CLNK: variants seen among roughly 807,000 people sequenced by gnomAD.
CLNK encodes the protein cytokine dependent hematopoietic cell linker, also known as cytokine-dependent hematopoietic cell linker.
In CLNK, 74 loss-of-function variants were observed where a neutral mutation model predicts 68.6. That is an observed-to-expected ratio of 1.08 (90% CI 0.89 to 1.31). The LOEUF is 1.31. CLNK is among the 50% of genes most tolerant of loss of function. The pLI, the probability that CLNK is intolerant of heterozygous loss-of-function variation, is 0.00. For synonymous variants in CLNK, 198 were observed against 172.2 expected, an observed-to-expected ratio of 1.15 and a Z score of -1.17; for missense variants, 553 against 515.3, an observed-to-expected ratio of 1.07 and a Z score of -0.71.
chr4:10,606,655 G>A (rs1721805282), intron 2 of CLNK, among the ~76,000 whole-genome samples: 1 of 152,122 alleles, frequency 6.6e-6, no homozygotes, highest in African/African-American at 2.4e-5. Context: ...TGTTATAGCA[G>A]CTGCCGCATT....
chr4:10,548,856 C>T (rs1029512065), intron 8 of CLNK, among the ~76,000 whole-genome samples: 3 of 152,192 alleles, frequency 2.0e-5, no homozygotes, highest in Non-Finnish European at 2.9e-5. Flanking sequence ...TTTCTGGGCT[C>T]TGCACTCTGC....
At chr4:10,669,276 A>G (rs1473203907) in intron 1 of CLNK, among the ~76,000 whole-genome samples, 1 of 152,226 alleles carries the variant, frequency 6.6e-6, no homozygotes, top group Non-Finnish European at 1.5e-5. Flanking sequence ...TCCCTCCGTG[A>G]CATCCCTCCT....
At chr4:10,509,632 C>T (rs763893251) in intron 16 of CLNK, among the ~76,000 whole-genome samples, 13 of 151,556 alleles carry the variant, frequency 8.6e-5, no homozygotes, top group South Asian at 2.1e-4. Flanking sequence ...TCCAGAAGTT[C>T]GCCTACCCCA....
intron 3 of CLNK, among the ~76,000 whole-genome samples, chr4:10,597,389 G>T (rs1266775531): frequency 1.3e-5 from 2 of 152,176 alleles, no homozygotes; most frequent in East Asian, 3.9e-4. Flanking sequence ...CTTGTCTCTA[G>T]TCAGTAATTC....
chr4:10,537,511 A>G (rs1422079146), intron 11 of CLNK, among the ~76,000 whole-genome samples: 1 of 152,040 alleles, frequency 6.6e-6, no homozygotes, highest in East Asian at 1.9e-4. Flanking sequence ...TTCTAGAAAA[A>G]TACAGAGTTA....
chr4:10,592,747 G>T (rs897090801), intron 3 of CLNK, among the ~76,000 whole-genome samples: 1 of 151,568 alleles, frequency 6.6e-6, no homozygotes, highest in African/African-American at 2.4e-5. Flanking sequence ...TTCTTTTGAG[G>T]CAGAGTCTCA....
intron 1 of CLNK, among the ~76,000 whole-genome samples, chr4:10,683,270 A>C (rs1209354003): frequency 6.6e-6 from 1 of 152,192 alleles, no homozygotes; most frequent in Non-Finnish European, 1.5e-5. Context: ...GTGATCGAGA[A>C]ACAGAATCCC....
intron 3 of CLNK, 38 bp from the exon 4 acceptor site, chr4:10,584,993 C>A (rs755456918): frequency 1.2e-6 from 2 of 1,609,502 alleles, no homozygotes; most frequent in Non-Finnish European, 1.7e-6. Context: ...ATGTCCATTG[C>A]TCCACCTCCA....
chr4:10,699,278 C>CCACGTATGTGTGTGTATACACA, the CLNK span, among the ~76,000 whole-genome samples: 1 of 101,056 alleles, frequency 9.9e-6, no homozygotes, highest in African/African-American at 4.0e-5. Flanking sequence ...CACACACACA[C>CCACGTATGTGTGTGTATACACA]CACATACGTG....
intron 7 of CLNK, among the ~76,000 whole-genome samples, chr4:10,561,302 A>AT (rs924048249): frequency 5.9e-5 from 9 of 152,146 alleles, no homozygotes; most frequent in African/African-American, 2.2e-4. Context: ...TTTTCCTCAC[A>AT]TAATTTCATT....
intron 2 of CLNK, among the ~76,000 whole-genome samples, chr4:10,638,300 T>C (rs908246422): frequency 6.6e-6 from 1 of 152,190 alleles, no homozygotes; most frequent in African/African-American, 2.4e-5. Context: ...GTGTAATAAA[T>C]TGTGTGCATC....
chr4:10,580,902 G>A (rs951323108), intron 4 of CLNK, among the ~76,000 whole-genome samples: 1 of 152,110 alleles, frequency 6.6e-6, no homozygotes, highest in Non-Finnish European at 1.5e-5. Context: ...TAATGTTGAC[G>A]TGGGTTTACG....
At chr4:10,583,585 T>C (rs536366300) in intron 4 of CLNK, among the ~76,000 whole-genome samples, 2 of 152,338 alleles carry the variant, frequency 1.3e-5, no homozygotes, top group East Asian at 3.9e-4. Context: ...GTGCCTGGTC[T>C]GGGCTGTTAT....
chr4:10,710,399 T>C, the CLNK span, among the ~76,000 whole-genome samples: 2 of 152,202 alleles, frequency 1.3e-5, no homozygotes. Flanking sequence ...CTAAGTAAAC[T>C]GAAGCAAAGA....
chr4:10,701,006 C>G, the CLNK span, among the ~76,000 whole-genome samples: 819 of 152,248 alleles, frequency 5.4e-3, 32 homozygotes, highest in East Asian at 0.1. Flanking sequence ...TGATCACCGT[C>G]TGCACCCGTA....
chr4:10,654,016 G>T (rs1723858820), intron 2 of CLNK, among the ~76,000 whole-genome samples: 1 of 144,458 alleles, frequency 6.9e-6, no homozygotes, highest in African/African-American at 2.4e-5. Flanking sequence ...AGATCAGTTT[G>T]CTGAGAAAGG....
intron 2 of CLNK, among the ~76,000 whole-genome samples, chr4:10,601,777 G>A (rs1721599152): frequency 6.6e-6 from 1 of 152,134 alleles, no homozygotes; most frequent in South Asian, 2.1e-4. Flanking sequence ...TGTCCACTCA[G>A]CCCATCCCAC....
chr4:10,550,558 A>G lies in CLNK; in HGVS notation c.445+7849T>C, dbSNP rs150448688. Among the ~76,000 whole-genome samples the G allele has an allele frequency of 5.7e-3, 868 of 152,330 alleles. 4 individuals are homozygous for G. Among genetic ancestry groups the G allele is most frequent in the Admixed American group, 0.011 (165 of 15,302 alleles). On this transcript the variant is annotated intron_variant, in intron 8 of 18. Coordinates refer to ENST00000226951, the MANE Select transcript of CLNK (RefSeq NM_052964.4). ...CTTAAGTTACAGCAGCCCTCCACTTATCCTAAGGCAAAATGTTCCAAGACT... is the reference window on the plus strand; with the variant it reads ...CTTAAGTTACAGCAGCCCTCCACTTGTCCTAAGGCAAAATGTTCCAAGACT...
At chr4:10,565,939 C>G in intron 6 of CLNK, 70 bp downstream of exon 6, 1 of 1,518,624 alleles carries the variant, frequency 6.6e-7, no homozygotes, top group East Asian at 2.4e-5. Flanking sequence ...GAAACCGCAC[C>G]TTTAAATAGT....
Sources: allele counts gnomAD v4.1 joint callset (sites outside exome capture counted in the v4.1 genomes callset), GRCh38; gene constraint gnomAD v4.1.1; transcripts MANE v1.5; gene names NCBI Gene and HGNC (gene_info 2026-07-23, HGNC 2026-07-21).